Variants in XKR6 observed in about 807,000 individuals in gnomAD.
XKR6 encodes the protein XK-related protein 6.
Under a neutral mutation model 56.7 loss-of-function variants are expected in XKR6, and 22 were observed. The observed-to-expected ratio is 0.39, with a 90% CI of 0.28 to 0.55. XKR6 has a LOEUF of 0.55. Among genes scored for constraint, XKR6 ranks in the 20% least tolerant of loss-of-function variants. XKR6 has a pLI of 0.66. For missense variants in XKR6, 852 were observed against 889.0 expected, an observed-to-expected ratio of 0.96 and a Z score of 0.53; for synonymous variants, 524 against 387.8, an observed-to-expected ratio of 1.35 and a Z score of -4.13.
At chr8:11,162,555 C>A (rs1379467878) in intron 1 of XKR6, among the ~76,000 whole-genome samples, 5 of 152,114 alleles carry the variant, frequency 3.3e-5, no homozygotes, top group Non-Finnish European at 7.4e-5. Context: ...AGCTAAATTG[C>A]AAAGTGAAAA....
intron 1 of XKR6, among the ~76,000 whole-genome samples, chr8:11,107,176 C>T (rs995915259): frequency 3.3e-5 from 5 of 150,436 alleles, no homozygotes; most frequent in Non-Finnish European, 5.9e-5. Context: ...AAAAGCAACA[C>T]GGATAAACAG....
intron 2 of XKR6, among the ~76,000 whole-genome samples, chr8:10,921,416 G>A (rs1800713503): frequency 6.6e-6 from 1 of 152,196 alleles, no homozygotes; most frequent in African/African-American, 2.4e-5. Context: ...ATGAGGATGG[G>A]GAGGTGACCG....
intron 1 of XKR6, among the ~76,000 whole-genome samples, chr8:11,005,144 G>A (rs999615030): frequency 1.3e-4 from 19 of 149,196 alleles, no homozygotes; most frequent in Admixed American, 4.6e-4. Flanking sequence ...GTATAGGGCA[G>A]GTAGTGTGTC....
intron 1 of XKR6, among the ~76,000 whole-genome samples, chr8:11,164,041 T>C (rs1428964617): frequency 2.0e-5 from 3 of 152,214 alleles, no homozygotes; most frequent in African/African-American, 7.2e-5. Context: ...ACTCTCATGC[T>C]GATTTCAAGT....
At chr8:11,026,158 G>A (rs996624925) in intron 1 of XKR6, among the ~76,000 whole-genome samples, 9 of 149,274 alleles carry the variant, frequency 6.0e-5, no homozygotes, top group African/African-American at 2.3e-4. Flanking sequence ...ACACACCTAC[G>A]ACACACCTAG....
chr8:10,911,321 GTATATATA>G (rs372396079), intron 2 of XKR6, among the ~76,000 whole-genome samples: 2 of 128,226 alleles, frequency 1.6e-5, no homozygotes, highest in African/African-American at 6.3e-5. Context: ...GAGAGGGTGA[GTATATATA>G]TATATATATA....
chr8:11,172,175 G>T (rs1221228453), intron 1 of XKR6, among the ~76,000 whole-genome samples: 1 of 151,838 alleles, frequency 6.6e-6, no homozygotes, highest in Non-Finnish European at 1.5e-5. Context: ...ATTTGAGATA[G>T]CCTGGGCAAC....
chr8:11,100,421 G>T (rs952499646), intron 1 of XKR6, among the ~76,000 whole-genome samples: 6 of 152,140 alleles, frequency 3.9e-5, no homozygotes, highest in African/African-American at 1.4e-4. Flanking sequence ...AATGGGACAC[G>T]GAGTCCTTAA....
In XKR6 at chr8:11,006,277, G is replaced by C. The variant is rs548570140; in HGVS notation, c.765-81447C>G. Among the ~76,000 whole-genome samples the C allele has an allele frequency of 2.8e-4, 42 of 152,304 alleles. 1 individual carries two copies. Among genetic ancestry groups the C allele is most frequent in the African/African-American group, 9.4e-4 (39 of 41,568 alleles). On this transcript the variant is annotated intron_variant, in intron 1 of 2. Transcript: ENST00000416569. ...AGAAGAGCCAGTTAGTGGCCTAGTA[G>C]GACACTGATTCCTTCATTCAGCGCC...
chr8:10,962,774 C>T (rs1480481982), intron 1 of XKR6, among the ~76,000 whole-genome samples: 3 of 152,028 alleles, frequency 2.0e-5, no homozygotes, highest in Admixed American at 1.3e-4. Context: ...TACAGGCCCC[C>T]GCCACCACAC....
At chr8:10,977,191 G>A (rs1802592587) in intron 1 of XKR6, among the ~76,000 whole-genome samples, 1 of 152,156 alleles carries the variant, frequency 6.6e-6, no homozygotes, top group Non-Finnish European at 1.5e-5. Flanking sequence ...TGCAGAGGTT[G>A]TCCAGGCCAG....
intron 2 of XKR6, among the ~76,000 whole-genome samples, chr8:10,914,124 T>C (rs986520673): frequency 6.6e-6 from 1 of 152,126 alleles, no homozygotes. Context: ...AATGGGTCTA[T>C]GGGTGTAAGC....
chr8:11,149,852 G>C, intron 1 of XKR6, among the ~76,000 whole-genome samples: 1 of 152,154 alleles, frequency 6.6e-6, no homozygotes. Context: ...ACAGACAAAT[G>C]GAAAAAGAAA....
chr8:10,900,020 G>A (rs562016770), intron 2 of XKR6, among the ~76,000 whole-genome samples: 10 of 151,634 alleles, frequency 6.6e-5, no homozygotes, highest in African/African-American at 1.5e-4. Context: ...CCAACTCCCC[G>A]TGCATCAGTT....
At position 11,056,038 on chromosome 8, in the gene XKR6, G is replaced by A. The variant is rs560356755; in HGVS notation, c.765-131208C>T. On this transcript the variant is annotated intron_variant, in intron 1 of 2. Transcript: ENST00000416569. ...GGTCTCGATTCAGGATTCCTCTCCCGCCCCACTTCTCACCGGCGCCCCCTG... is the reference window on the plus strand; with the variant it reads ...GGTCTCGATTCAGGATTCCTCTCCCACCCCACTTCTCACCGGCGCCCCCTG... 8.5e-5 allele frequency among the ~76,000 whole-genome samples: 13 copies of A among 152,192 alleles called. No homozygotes were observed. In the South Asian group the frequency reaches 2.7e-3, roughly 32 times the overall value.
At chr8:11,101,371 C>T (rs1368075891) in intron 1 of XKR6, among the ~76,000 whole-genome samples, 3 of 152,098 alleles carry the variant, frequency 2.0e-5, no homozygotes, top group Non-Finnish European at 4.4e-5. Context: ...ACACTGTACA[C>T]GGCTGAGAAC....
intron 1 of XKR6, among the ~76,000 whole-genome samples, chr8:10,993,548 C>T (rs1272329673): frequency 6.6e-6 from 1 of 152,208 alleles, no homozygotes; most frequent in African/African-American, 2.4e-5. Flanking sequence ...AGTGCTCAGC[C>T]GTTCCAAAAG....
intron 1 of XKR6, among the ~76,000 whole-genome samples, chr8:11,133,088 A>T (rs1047446353): frequency 1.7e-4 from 26 of 152,306 alleles, no homozygotes; most frequent in African/African-American, 5.8e-4. Context: ...TGCAAAGCAA[A>T]TATATGAATA....
At chr8:11,138,991 G>A (rs1207365168) in intron 1 of XKR6, among the ~76,000 whole-genome samples, 1 of 151,042 alleles carries the variant, frequency 6.6e-6, no homozygotes, top group Non-Finnish European at 1.5e-5. Flanking sequence ...TATATAGTTA[G>A]CTAGTTGCCA....
Sources: allele counts gnomAD v4.1 joint callset (sites outside exome capture counted in the v4.1 genomes callset), GRCh38; gene constraint gnomAD v4.1.1; transcripts MANE v1.5; gene names NCBI Gene and HGNC (gene_info 2026-07-23, HGNC 2026-07-21).